RBFOX1: variants seen among roughly 807,000 people sequenced by gnomAD.
RBFOX1 encodes the protein RNA binding fox-1 homolog 1.
A neutral mutation model predicts 57.7 loss-of-function variants in RBFOX1; 8 were observed. That is an observed-to-expected ratio of 0.14 (90% confidence interval 0.08 to 0.25). The LOEUF (loss-of-function observed/expected upper bound fraction) is 0.25. Ranked by LOEUF, RBFOX1 falls within the 10% of genes least tolerant of loss-of-function variation. The pLI is 1.00. For synonymous variants in RBFOX1, 326 were observed against 222.4 expected (o/e 1.47, Z -4.15); for missense variants, 611 against 548.5 (o/e 1.11, Z -1.14).
Position 7,556,252 on chromosome 16 carries a change from T to G in RBFOX1, c.271-23525T>G, listed in dbSNP as rs1411638633. Among the ~76,000 whole-genome samples the G allele has an allele frequency of 2.0e-5, 3 of 152,290 alleles. No homozygotes were observed. In the East Asian group the frequency reaches 5.8e-4, roughly 29 times the overall value. On this transcript the variant is annotated intron_variant, in intron 5 of 15. Transcript: ENST00000550418. The stretch of plus-strand genomic sequence containing the variant: ...TTCGGTCAAATCTGAGAGCCCAGAT[T>G]CGAACTTGCATCTCCCAACACTACA...
rs971960805 is a variant in RBFOX1, at chr16:6,304,365, T to C, written c.-126-12630T>C. Among the ~76,000 whole-genome samples, 13 of 152,258 alleles carry C rather than the reference T, an allele frequency of 8.5e-5. No homozygotes were observed. The East Asian group carries it at 2.1e-3, about 25-fold the overall frequency. On this transcript the variant is annotated intron_variant, in intron 1 of 15. Transcript: ENST00000550418. Reference sequence around the variant, plus strand: ...TGTTTTTTTATCCTGGCTCTATAAATCTGTCTGCATTGCAGCCTCTTGTGA... The same window carrying C: ...TGTTTTTTTATCCTGGCTCTATAAACCTGTCTGCATTGCAGCCTCTTGTGA...
chr16:7,347,910 C>A (rs2097048882), intron 4 of RBFOX1, among the ~76,000 whole-genome samples: 1 of 152,150 alleles, frequency 6.6e-6, no homozygotes, highest in Non-Finnish European at 1.5e-5. Context: ...CTTCAGTGCA[C>A]CCTATCCTGT....
chr16:7,184,748 A>C (rs1225133801), intron 4 of RBFOX1, among the ~76,000 whole-genome samples: 2 of 152,184 alleles, frequency 1.3e-5, no homozygotes, highest in African/African-American at 4.8e-5. Context: ...TACAGGTAGA[A>C]CTTGAGCTTT....
intron 4 of RBFOX1, among the ~76,000 whole-genome samples, chr16:5,951,835 C>T (rs2059526075): frequency 6.6e-6 from 1 of 151,546 alleles, no homozygotes; most frequent in Non-Finnish European, 1.5e-5. Flanking sequence ...TTTGCATTTT[C>T]CAAAAGTAGT....
At chr16:5,657,954 A>C (rs750884195) in intron 3 of RBFOX1, among the ~76,000 whole-genome samples, 1 of 149,262 alleles carries the variant, frequency 6.7e-6, no homozygotes, top group Non-Finnish European at 1.5e-5. Flanking sequence ...CTGGTCTTGA[A>C]CTCCTGATTT....
At chr16:5,657,503 G>C (rs1184591313) in intron 3 of RBFOX1, among the ~76,000 whole-genome samples, 1 of 152,124 alleles carries the variant, frequency 6.6e-6, no homozygotes, top group Non-Finnish European at 1.5e-5. Context: ...AGGGTTTAAA[G>C]TATTGAGCAG....
At chr16:7,281,332 C>T (rs898314779) in intron 4 of RBFOX1, among the ~76,000 whole-genome samples, 7 of 151,516 alleles carry the variant, frequency 4.6e-5, no homozygotes, top group African/African-American at 1.7e-4. Context: ...TGAGCTTCTG[C>T]TTGGGGGGTA....
intron 2 of RBFOX1, among the ~76,000 whole-genome samples, chr16:6,467,957 C>T (rs1476243427): frequency 3.3e-5 from 5 of 152,132 alleles, no homozygotes; most frequent in Admixed American, 3.3e-4. Context: ...AATCTGCTTT[C>T]TTTTTAATGT....
chr16:6,814,197 A>G (rs946774574), intron 3 of RBFOX1, among the ~76,000 whole-genome samples: 2 of 146,578 alleles, frequency 1.4e-5, no homozygotes, highest in African/African-American at 5.0e-5. Context: ...GATCAACATG[A>G]TGATAATAAC....
At chr16:7,276,695 G>C (rs2095446928) in intron 4 of RBFOX1, among the ~76,000 whole-genome samples, 1 of 152,184 alleles carries the variant, frequency 6.6e-6, no homozygotes, top group African/African-American at 2.4e-5. Flanking sequence ...TCTGCACTGA[G>C]TTATGTAATG....
chr16:7,015,002 G>A (rs1298277363), intron 3 of RBFOX1, among the ~76,000 whole-genome samples: 1 of 152,214 alleles, frequency 6.6e-6, no homozygotes, highest in Non-Finnish European at 1.5e-5. Flanking sequence ...GGAATTACAG[G>A]TGTGAGCCAC....
intron 4 of RBFOX1, among the ~76,000 whole-genome samples, chr16:7,177,389 A>G (rs1018401551): frequency 1.3e-5 from 2 of 152,170 alleles, no homozygotes; most frequent in Admixed American, 1.3e-4. Context: ...GCTGGAGGTG[A>G]TGGGTAGTGT....
chr16:6,493,465 C>T (rs766339668), intron 2 of RBFOX1, among the ~76,000 whole-genome samples: 1 of 152,100 alleles, frequency 6.6e-6, no homozygotes, highest in Non-Finnish European at 1.5e-5. Flanking sequence ...GGACCGTAGG[C>T]TGCTAAAAGT....
intron 2 of RBFOX1, among the ~76,000 whole-genome samples, chr16:6,640,706 A>G (rs1236886364): frequency 6.6e-6 from 1 of 152,178 alleles, no homozygotes; most frequent in East Asian, 1.9e-4. Context: ...CACTGGGCAA[A>G]TACTTGTGAC....
At chr16:7,103,932 A>G (rs1036470297) in intron 4 of RBFOX1, among the ~76,000 whole-genome samples, 1 of 152,172 alleles carries the variant, frequency 6.6e-6, no homozygotes, top group Admixed American at 6.6e-5. Flanking sequence ...TCAAACATCC[A>G]TGGACAATTG....
chr16:7,394,095 G>T (rs530043740), intron 4 of RBFOX1, among the ~76,000 whole-genome samples: 1 of 152,010 alleles, frequency 6.6e-6, no homozygotes, highest in East Asian at 1.9e-4. Context: ...AATTAGCCGG[G>T]TGTCCTGGTG....
intron 1 of RBFOX1, among the ~76,000 whole-genome samples, chr16:5,243,251 C>T (rs1368875730): frequency 6.6e-6 from 1 of 152,142 alleles, no homozygotes; most frequent in Non-Finnish European, 1.5e-5. Flanking sequence ...GGCACCTCGG[C>T]AGAGATTTCT....
chr16:5,931,934 A>C (rs939404854), intron 4 of RBFOX1, among the ~76,000 whole-genome samples: 2 of 151,994 alleles, frequency 1.3e-5, no homozygotes, highest in African/African-American at 4.8e-5. Flanking sequence ...CAGCCTCCCA[A>C]GTAGCTGGGA....
chr16:5,958,073 C>G (rs1036280632), intron 4 of RBFOX1, among the ~76,000 whole-genome samples: 2 of 152,148 alleles, frequency 1.3e-5, no homozygotes, highest in Non-Finnish European at 1.5e-5. Flanking sequence ...AAAGAATCTA[C>G]TGCACTTCAA....
Sources: allele counts gnomAD v4.1 joint callset (sites outside exome capture counted in the v4.1 genomes callset), GRCh38; gene constraint gnomAD v4.1.1; transcripts MANE v1.5; gene names NCBI Gene and HGNC (gene_info 2026-07-23, HGNC 2026-07-21).